RBPMS: variants seen among roughly 807,000 people sequenced by gnomAD.
RBPMS encodes RNA-binding protein with multiple splicing.
A neutral mutation model predicts 26.8 loss-of-function variants in RBPMS; 7 were observed. That is an observed-to-expected ratio of 0.26 (90% confidence interval 0.15 to 0.49). The LOEUF is 0.49. Among genes scored for constraint, RBPMS ranks in the 20% least tolerant of loss-of-function variants. The pLI is 0.98. For synonymous variants in RBPMS, 96 were observed against 93.3 expected, an observed-to-expected ratio of 1.03 and a Z score of -0.17; for missense variants, 186 against 250.0, an observed-to-expected ratio of 0.74 and a Z score of 1.73.
intron 1 of RBPMS, among the ~76,000 whole-genome samples, chr8:30,392,076 A>C (rs1382381051): frequency 6.6e-6 from 1 of 152,012 alleles, no homozygotes. Context: ...TCCTGTCTTA[A>C]AGTTGCTCAC....
intron 1 of RBPMS, among the ~76,000 whole-genome samples, chr8:30,418,884 TGCACATGAGTACCG>T (rs1478557860): frequency 1.3e-5 from 2 of 152,198 alleles, no homozygotes; most frequent in African/African-American, 4.8e-5. Context: ...CAGGTACTCA[TGCACATGAGTACCG>T]CTCCTGGCCT....
intron 6 of RBPMS, chr8:30,549,427 G>T: frequency 1.5e-6 from 2 of 1,313,284 alleles, no homozygotes; most frequent in Non-Finnish European, 1.1e-6. Context: ...TTCTGCCCAA[G>T]GCCTTCCATT....
chr8:30,426,098 TCAG>T (rs1811325926), intron 1 of RBPMS, among the ~76,000 whole-genome samples: 1 of 152,196 alleles, frequency 6.6e-6, no homozygotes, highest in African/African-American at 2.4e-5. Context: ...AGCACGGAGT[TCAG>T]CAGTGAAATC....
Position 30,556,899 on chromosome 8 carries a change from C to T in RBPMS, c.529-1988C>T, listed in dbSNP as rs113709049. On this transcript the variant is annotated intron_variant, in intron 6 of 8. Transcript: ENST00000397323. ...CCCTACCTCACCCCCATCTTCCCCA[C>T]TCTTGCCCTCCTTCTTTTGTTCTGA... is the stretch of plus-strand genomic sequence containing the variant. 4.6e-4 allele frequency: 162 copies of T among 353,662 alleles called. 1 individual carries two copies. Among genetic ancestry groups the T allele is most frequent in the African/African-American group, 3.4e-3 (152 of 45,130 alleles). 21.9% of individuals were successfully genotyped at this position (353,662 alleles called of 1,614,324 possible). A position where few individuals can be genotyped will look rare whatever the true frequency, so the allele number is the denominator to read the frequency against.
chr8:30,511,487 ATATATATATATATATATATAT>A (rs1297519699), intron 5 of RBPMS, among the ~76,000 whole-genome samples: 7 of 12,712 alleles, frequency 5.5e-4, no homozygotes, highest in South Asian at 1.9e-3. Flanking sequence ...AAAAAAAAAA[ATATATATATATATATATATAT>A]ATATATATAT....
intron 5 of RBPMS, among the ~76,000 whole-genome samples, chr8:30,542,557 T>G (rs1282145498): frequency 6.6e-6 from 1 of 152,198 alleles, no homozygotes; most frequent in Non-Finnish European, 1.5e-5. Context: ...CCATTTGGAA[T>G]CAGTTGTATG....
At chr8:30,417,014 G>T (rs181331929) in intron 1 of RBPMS, among the ~76,000 whole-genome samples, 70 of 152,228 alleles carry the variant, frequency 4.6e-4, no homozygotes, top group Admixed American at 3.5e-3. Flanking sequence ...AAGTGATCCT[G>T]CCCGCCTTGG....
chr8:30,529,414 A>G (rs2915588), intron 5 of RBPMS, among the ~76,000 whole-genome samples: 25,857 of 151,912 alleles, frequency 0.17, 2,676 homozygotes, highest in South Asian at 0.32. Flanking sequence ...AGGCAGGAGA[A>G]TCGCTTGAAC....
intron 5 of RBPMS, among the ~76,000 whole-genome samples, chr8:30,538,705 A>C (rs1015192908): frequency 6.6e-6 from 1 of 152,194 alleles, no homozygotes; most frequent in Non-Finnish European, 1.5e-5. Context: ...GCTTCAATGG[A>C]CAGAAATCTG....
chr8:30,460,877 A>G (rs1326439066), intron 1 of RBPMS, among the ~76,000 whole-genome samples: 2 of 151,918 alleles, frequency 1.3e-5, no homozygotes, highest in African/African-American at 4.8e-5. Context: ...GACATTTTGT[A>G]TTTCTCTACC....
At chr8:30,559,901 C>G (rs58145922) in intron 7 of RBPMS, among the ~76,000 whole-genome samples, 1 of 152,214 alleles carries the variant, frequency 6.6e-6, no homozygotes, top group Non-Finnish European at 1.5e-5. Context: ...CCAAACTAAA[C>G]TAGTGTTCTT....
intron 5 of RBPMS, among the ~76,000 whole-genome samples, chr8:30,523,394 A>T (rs1183204422): frequency 6.6e-6 from 1 of 151,632 alleles, no homozygotes; most frequent in Non-Finnish European, 1.5e-5. Flanking sequence ...AAAAAAAAGT[A>T]ATAATGATGA....
chr8:30,441,956 A>AT (rs1269063181), intron 1 of RBPMS, among the ~76,000 whole-genome samples: 10 of 152,022 alleles, frequency 6.6e-5, no homozygotes, highest in African/African-American at 2.4e-4. Flanking sequence ...GGTCCAGCTA[A>AT]TTTTTTTATT....
intron 1 of RBPMS, among the ~76,000 whole-genome samples, chr8:30,471,903 T>C (rs1817147193): frequency 6.6e-6 from 1 of 152,176 alleles, no homozygotes; most frequent in African/African-American, 2.4e-5. Flanking sequence ...CTTGATGTAA[T>C]TGATACTTAT....
chr8:30,550,153 GC>G (rs1186026760), intron 6 of RBPMS, among the ~76,000 whole-genome samples: 10 of 152,170 alleles, frequency 6.6e-5, no homozygotes. Flanking sequence ...TTCTATGCCT[GC>G]CTCCTGATGC....
chr8:30,479,138 T>C (rs1201404814), intron 3 of RBPMS, among the ~76,000 whole-genome samples, 177 bp from the exon 4 acceptor site: 1 of 152,198 alleles, frequency 6.6e-6, no homozygotes, highest in Admixed American at 6.5e-5. Context: ...CTTTGATTCA[T>C]ATTAGAAATT....
At chr8:30,476,985 C>G (rs1346208426) in intron 2 of RBPMS, among the ~76,000 whole-genome samples, 1 of 152,162 alleles carries the variant, frequency 6.6e-6, no homozygotes. Context: ...AGCAAAGTAA[C>G]TCAACAAAAT....
chr8:30,486,374 A>C (rs550820171), intron 4 of RBPMS, among the ~76,000 whole-genome samples: 7 of 150,878 alleles, frequency 4.6e-5, no homozygotes, highest in East Asian at 2.0e-4. Context: ...TAAAAAAAAA[A>C]CAAAAAACAG....
intron 7 of RBPMS, chr8:30,561,937 C>T (rs887772072): frequency 3.0e-6 from 3 of 985,372 alleles, no homozygotes; most frequent in Non-Finnish European, 3.6e-6. Context: ...CAAATCATTT[C>T]TCACAGACCC....
Sources: allele counts gnomAD v4.1 joint callset (sites outside exome capture counted in the v4.1 genomes callset), GRCh38; gene constraint gnomAD v4.1.1; transcripts MANE v1.5; gene names NCBI Gene and HGNC (gene_info 2026-07-23, HGNC 2026-07-21).